The following PCDH7 variants were observed in gnomAD, a reference collection of about 807,000 sequenced individuals.
PCDH7 encodes the protein protocadherin-7.
In PCDH7, 17 loss-of-function variants were observed where a neutral mutation model predicts 58.9. The observed-to-expected ratio is 0.29, with a 90% CI of 0.20 to 0.43. The LOEUF (loss-of-function observed/expected upper bound fraction) is 0.43. PCDH7 is among the 20% of genes least tolerant of loss of function. The pLI, the probability that PCDH7 is intolerant of heterozygous loss-of-function variation, is 1.00. For synonymous variants in PCDH7, 664 were observed against 616.4 expected (o/e 1.08, Z -1.14); for missense variants, 1,274 against 1,441.0 (o/e 0.88, Z 1.88).
chr4:30,982,660 A>T (rs558649125), intron 3 of PCDH7, among the ~76,000 whole-genome samples: 1 of 152,206 alleles, frequency 6.6e-6, no homozygotes. Context: ...GACCTGGTGC[A>T]TTATATATAA....
chr4:31,008,634 A>G (rs569444716), intron 3 of PCDH7, among the ~76,000 whole-genome samples: 1 of 152,240 alleles, frequency 6.6e-6, no homozygotes, highest in African/African-American at 2.4e-5. Flanking sequence ...GCTGTAAACT[A>G]TCCTTTGAAG....
chr4:30,856,671 A>G lies in PCDH7; in HGVS notation c.71-63482A>G, dbSNP rs763983807. On this transcript the variant is annotated intron_variant, in intron 1 of 3. Coordinates refer to the PCDH7 transcript ENST00000509759. The stretch of plus-strand genomic sequence containing the variant: ...GAAGTGAATTGTAAGTAATTTTGTA[A>G]GTACTTACTATACTGATATCAGAAA... Among the ~76,000 whole-genome samples, 12 of 146,046 alleles carry G rather than the reference A, an allele frequency of 8.2e-5. 1 individual carries two copies. Among genetic ancestry groups the G allele is most frequent in the Non-Finnish European group, 1.6e-4 (11 of 66,946 alleles).
At chr4:30,926,105 T>C (rs1392574213) in intron 2 of PCDH7, among the ~76,000 whole-genome samples, 3 of 152,162 alleles carry the variant, frequency 2.0e-5, no homozygotes, top group African/African-American at 7.2e-5. Context: ...AAGTTGTATT[T>C]TCACTATATT....
In PCDH7 at chr4:30,723,874, G is replaced by T. The variant is rs148394191; in HGVS notation, c.2452G>T (p.Val818Leu). The stretch of plus-strand genomic sequence containing the variant: ...AAAGCATTATGGCTTGCACAGGTTG[G>T]TGGTGCAAGTGAATGACAGTGGGCA... The change falls in exon 1 of 2, where the codon GTG becomes TTG. Residue 818 changes from valine (V) to leucine (L), a missense_variant. Around this residue, in one of 3 missense-constraint regions of PCDH7, gnomAD observed 731 missense variants for 881.9 expected, o/e 0.83. Coordinates refer to ENST00000361762, the Ensembl canonical transcript of PCDH7. The surrounding 1 kb of genome is among the most constrained non-coding windows in gnomAD (Gnocchi z 4.6). 3.2e-4 allele frequency: 522 copies of T among 1,613,784 alleles called. 1 individual carries two copies. Among genetic ancestry groups the T allele is most frequent in the Non-Finnish European group, 4.1e-4 (480 of 1,180,018 alleles).
At chr4:30,734,177 T>A (rs1715914873), downstream of PCDH7, among the ~76,000 whole-genome samples, 1 of 152,118 alleles carries the variant, frequency 6.6e-6, no homozygotes, top group Admixed American at 6.5e-5. Flanking sequence ...AAACACTTTC[T>A]TTGATGTGCG....
Position 30,722,702 on chromosome 4 carries a change from A to G in PCDH7, c.1280A>G (p.Asp427Gly). 1.9e-6 allele frequency: 3 copies of G among 1,613,532 alleles called. No homozygotes were observed. Among genetic ancestry groups the G allele is most frequent in the Non-Finnish European group, 2.5e-6 (3 of 1,180,006 alleles). Residue 427 changes from aspartate to glycine, a missense_variant, in exon 1 of 2, where the codon GAC (aspartate) becomes GGC (glycine). Around this residue, in one of 3 missense-constraint regions of PCDH7, gnomAD observed 731 missense variants for 881.9 expected, o/e 0.83. Coordinates refer to ENST00000361762, the Ensembl canonical transcript of PCDH7. This position sits in a 1 kb window ranked among gnomAD's most constrained non-coding sequence, Gnocchi z 7.6. ...AAGATTGGGCGCATCCCCCTCAAGG[A>G]CGGGGTGGCCAACGTGGCCGAGGAC...
chr4:31,118,593 T>A (rs1056614191), intron 3 of PCDH7, among the ~76,000 whole-genome samples: 2 of 152,114 alleles, frequency 1.3e-5, no homozygotes, highest in African/African-American at 4.8e-5. Flanking sequence ...CTGAGTAGTA[T>A]CTAATTTCAA....
intron 3 of PCDH7, among the ~76,000 whole-genome samples, chr4:31,078,538 G>T (rs746983300): frequency 5.4e-5 from 8 of 148,630 alleles, no homozygotes; most frequent in Non-Finnish European, 1.0e-4. Context: ...GCCCAGGCTG[G>T]TCTTGAACTC....
intron 1 of PCDH7, among the ~76,000 whole-genome samples, chr4:30,855,538 C>G (rs944741764): frequency 1.3e-5 from 2 of 152,134 alleles, no homozygotes; most frequent in Admixed American, 6.5e-5. Flanking sequence ...AAATGAGCCT[C>G]TCTTGAAATC....
At chr4:31,072,525 A>G (rs1468917349) in intron 3 of PCDH7, among the ~76,000 whole-genome samples, 1 of 152,152 alleles carries the variant, frequency 6.6e-6, no homozygotes, top group Non-Finnish European at 1.5e-5. Flanking sequence ...AGGTGCCAAT[A>G]AAAGCTTCTT....
chr4:31,129,979 C>A (rs1028848391), intron 3 of PCDH7, among the ~76,000 whole-genome samples: 11 of 151,772 alleles, frequency 7.2e-5, no homozygotes, highest in Admixed American at 2.0e-4. Flanking sequence ...AGGAGGGAAA[C>A]AGGTTAAAGA....
At chr4:31,139,410 T>C (rs1250728483) in intron 3 of PCDH7, among the ~76,000 whole-genome samples, 4 of 152,222 alleles carry the variant, frequency 2.6e-5, no homozygotes, top group Non-Finnish European at 4.4e-5. Flanking sequence ...TAAAATAATG[T>C]TCTTAGATGT....
intron 1 of PCDH7, among the ~76,000 whole-genome samples, chr4:30,739,755 G>A (rs189227476): frequency 1.1e-4 from 16 of 152,170 alleles, no homozygotes; most frequent in African/African-American, 3.1e-4. Flanking sequence ...GAGGTAATGC[G>A]GTTGACATTT....
At chr4:30,787,516 A>T (rs571999033) in intron 1 of PCDH7, among the ~76,000 whole-genome samples, 1 of 152,224 alleles carries the variant, frequency 6.6e-6, no homozygotes, top group Non-Finnish European at 1.5e-5. Flanking sequence ...TATGTCACAG[A>T]CATTTTACAC....
chr4:30,871,445 G>A (rs969431843), intron 1 of PCDH7, among the ~76,000 whole-genome samples: 1 of 151,992 alleles, frequency 6.6e-6, no homozygotes, highest in African/African-American at 2.4e-5. Flanking sequence ...TGCCCATTTT[G>A]CTTCCAATAA....
intron 3 of PCDH7, among the ~76,000 whole-genome samples, chr4:31,044,305 C>T (rs1355960000): frequency 6.6e-6 from 1 of 152,038 alleles, no homozygotes; most frequent in Non-Finnish European, 1.5e-5. Flanking sequence ...AAAAGGTATA[C>T]ACATGTCTGT....
intron 3 of PCDH7, among the ~76,000 whole-genome samples, chr4:31,073,802 A>T (rs1002555221): frequency 5.9e-5 from 9 of 152,144 alleles, no homozygotes; most frequent in Admixed American, 4.6e-4. Flanking sequence ...CCTTTTCAAG[A>T]TATGCAGTAA....
chr4:31,021,551 C>T (rs1482013806), intron 3 of PCDH7, among the ~76,000 whole-genome samples: 4 of 152,168 alleles, frequency 2.6e-5, no homozygotes, highest in Non-Finnish European at 5.9e-5. Flanking sequence ...TTATATAATT[C>T]AGTGTGGGTG....
intron 1 of PCDH7, among the ~76,000 whole-genome samples, chr4:30,783,722 TTTC>T (rs1317687618): frequency 3.3e-5 from 5 of 152,174 alleles, no homozygotes; most frequent in Non-Finnish European, 7.4e-5. Context: ...ATAATTCAGT[TTTC>T]TTCTCCTAGC....
Sources: allele counts gnomAD v4.1 joint callset (sites outside exome capture counted in the v4.1 genomes callset), GRCh38; gene constraint gnomAD v4.1.1; regional missense constraint gnomAD v4.1.1; non-coding constraint Gnocchi (gnomAD v3.1); transcripts MANE v1.5; gene names NCBI Gene and HGNC (gene_info 2026-07-23, HGNC 2026-07-21).